HS6ST3: variants seen among roughly 807,000 people sequenced by gnomAD.
The protein encoded by HS6ST3 is heparan-sulfate 6-O-sulfotransferase 3.
HS6ST3 carries 12 observed loss-of-function variants against 36.7 expected under a neutral mutation model. That is an observed-to-expected ratio of 0.33 (90% CI 0.21 to 0.53). The LOEUF (loss-of-function observed/expected upper bound fraction) is 0.53. HS6ST3 is among the 20% of genes least tolerant of loss of function. The pLI is 0.95. For synonymous variants in HS6ST3, 240 were observed against 257.5 expected, an observed-to-expected ratio of 0.93 and a Z score of 0.65; for missense variants, 584 against 640.9, an observed-to-expected ratio of 0.91 and a Z score of 0.96.
At chr13:96,339,785 C>T (rs1245807984) in intron 1 of HS6ST3, among the ~76,000 whole-genome samples, 2 of 152,214 alleles carry the variant, frequency 1.3e-5, no homozygotes, top group Non-Finnish European at 1.5e-5. Context: ...GAAAGAGGCT[C>T]TTGATCCTCA....
intron 1 of HS6ST3, among the ~76,000 whole-genome samples, chr13:96,385,244 C>A (rs1441442843): frequency 1.3e-5 from 2 of 150,894 alleles, no homozygotes; most frequent in African/African-American, 4.9e-5. Flanking sequence ...TGGAGACGTT[C>A]TAGCTCCAAA....
intron 1 of HS6ST3, among the ~76,000 whole-genome samples, chr13:96,452,569 A>G (rs937803162): frequency 1.3e-5 from 2 of 151,856 alleles, no homozygotes; most frequent in African/African-American, 4.8e-5. Flanking sequence ...TTTTTCAATT[A>G]CCAACAGTTC....
chr13:96,376,476 T>A (rs941804800), intron 1 of HS6ST3, among the ~76,000 whole-genome samples: 1 of 152,176 alleles, frequency 6.6e-6, no homozygotes, highest in Non-Finnish European at 1.5e-5. Flanking sequence ...CACTAGTATG[T>A]CATATTCTCT....
intron 1 of HS6ST3, among the ~76,000 whole-genome samples, chr13:96,117,833 A>G (rs958474170): frequency 6.6e-6 from 1 of 151,604 alleles, no homozygotes; most frequent in South Asian, 2.1e-4. Flanking sequence ...CCCCAAATTT[A>G]TGGTTGAAGT....
At chr13:96,471,033 G>A (rs1337250400) in intron 1 of HS6ST3, among the ~76,000 whole-genome samples, 1 of 152,192 alleles carries the variant, frequency 6.6e-6, no homozygotes. Flanking sequence ...CCTAGCCCAT[G>A]TATGACACAA....
Position 96,825,053 on chromosome 13 carries a change from C to T in HS6ST3, c.708-7437C>T, listed in dbSNP as rs571096011. 7.2e-5 allele frequency among the ~76,000 whole-genome samples: 11 copies of T among 152,216 alleles called. No homozygotes were observed. In the South Asian group the frequency reaches 2.1e-3, roughly 29 times the overall value. ...GGGGAGAAATCCCTTCCACGGAGGA[C>T]GTGAGAGCAGGCTGGGTGGAGGAGT... On this transcript the variant is annotated intron_variant, in intron 1 of 1. Coordinates refer to ENST00000376705, the MANE Select transcript of HS6ST3 (RefSeq NM_153456.4).
chr13:96,684,491 G>A (rs549873508), intron 1 of HS6ST3, among the ~76,000 whole-genome samples: 33 of 152,116 alleles, frequency 2.2e-4, no homozygotes, highest in African/African-American at 7.7e-4. Context: ...TATAATTTTA[G>A]AGGCTTCTCC....
At chr13:96,457,342 A>G (rs1344784526) in intron 1 of HS6ST3, among the ~76,000 whole-genome samples, 1 of 151,074 alleles carries the variant, frequency 6.6e-6, no homozygotes, top group African/African-American at 2.4e-5. Flanking sequence ...AACCTCAAAC[A>G]ATATAAAATT....
intron 1 of HS6ST3, among the ~76,000 whole-genome samples, chr13:96,138,163 T>C (rs1419256326): frequency 1.3e-5 from 2 of 152,116 alleles, no homozygotes; most frequent in Non-Finnish European, 2.9e-5. Context: ...AAATCTGTTA[T>C]GAATAGCACA....
At chr13:96,463,829 A>G (rs1377024051) in intron 1 of HS6ST3, among the ~76,000 whole-genome samples, 1 of 152,124 alleles carries the variant, frequency 6.6e-6, no homozygotes, top group Non-Finnish European at 1.5e-5. Context: ...AAGATGTGAA[A>G]TAACATTATT....
In HS6ST3 at chr13:96,118,813, C is replaced by T. The variant is rs373780262; in HGVS notation, c.707+27244C>T. On this transcript the variant is annotated intron_variant, in intron 1 of 1. Transcript: ENST00000376705. ...GCAAGCTCCGCTTCCCGGGTTCACG[C>T]CATTCTCCTGCCTCAGCCTCCCGAG... 1.2e-4 allele frequency among the ~76,000 whole-genome samples: 17 copies of T among 144,384 alleles called. No individual in the cohort carries two copies. In the South Asian group the frequency reaches 3.5e-3, roughly 30 times the overall value. 94.7% of individuals were successfully genotyped at this position (144,384 alleles called of 152,430 possible).
chr13:96,607,356 C>T (rs914346581), intron 1 of HS6ST3, among the ~76,000 whole-genome samples: 2 of 152,124 alleles, frequency 1.3e-5, no homozygotes, highest in South Asian at 4.1e-4. Flanking sequence ...CCAGAAAATA[C>T]AGCCTTCTAA....
At chr13:96,283,179 A>G (rs186838428) in intron 1 of HS6ST3, among the ~76,000 whole-genome samples, 76 of 152,320 alleles carry the variant, frequency 5.0e-4, no homozygotes, top group Admixed American at 4.4e-3. Flanking sequence ...TGTTTGATCT[A>G]TAAGTTCATT....
chr13:96,761,565 T>G (rs945228630), intron 1 of HS6ST3, among the ~76,000 whole-genome samples: 3 of 152,116 alleles, frequency 2.0e-5, no homozygotes, highest in Non-Finnish European at 4.4e-5. Flanking sequence ...TAGATGAAGT[T>G]GAAGCCTGGT....
At chr13:96,413,795 G>A (rs935694055) in intron 1 of HS6ST3, among the ~76,000 whole-genome samples, 1 of 152,214 alleles carries the variant, frequency 6.6e-6, no homozygotes, top group Non-Finnish European at 1.5e-5. Flanking sequence ...GGAACCTGAT[G>A]ACACCTAATA....
chr13:96,552,131 T>C (rs1666387084), intron 1 of HS6ST3, among the ~76,000 whole-genome samples: 1 of 152,244 alleles, frequency 6.6e-6, no homozygotes, highest in African/African-American at 2.4e-5. Context: ...TCCATGGTTT[T>C]GGAGCAATTC....
At chr13:96,273,540 A>G (rs2054731556) in intron 1 of HS6ST3, among the ~76,000 whole-genome samples, 1 of 151,988 alleles carries the variant, frequency 6.6e-6, no homozygotes, top group South Asian at 2.1e-4. Context: ...AGGGATGTGT[A>G]GTCACTTAGA....
chr13:96,257,000 G>A (rs996072330), intron 1 of HS6ST3, among the ~76,000 whole-genome samples: 4 of 152,120 alleles, frequency 2.6e-5, no homozygotes. Context: ...ATTTCAGCTG[G>A]AGCATTTCTC....
intron 1 of HS6ST3, among the ~76,000 whole-genome samples, chr13:96,553,091 G>A (rs1266680350): frequency 6.6e-6 from 1 of 152,182 alleles, no homozygotes; most frequent in Non-Finnish European, 1.5e-5. Flanking sequence ...ACTGGAGATA[G>A]TGTACCTTGT....
Sources: allele counts gnomAD v4.1 joint callset (sites outside exome capture counted in the v4.1 genomes callset), GRCh38; gene constraint gnomAD v4.1.1; transcripts MANE v1.5; gene names NCBI Gene and HGNC (gene_info 2026-07-23, HGNC 2026-07-21).